Variants in AGPS observed in about 807,000 individuals in gnomAD.
The protein encoded by AGPS is alkyldihydroxyacetonephosphate synthase, peroxisomal.
In AGPS, 26 loss-of-function variants were observed where a neutral mutation model predicts 90.7. The observed-to-expected ratio is 0.29, with a 90% CI of 0.21 to 0.40. The LOEUF (loss-of-function observed/expected upper bound fraction) is 0.40. Among genes scored for constraint, AGPS ranks in the 10% least tolerant of loss-of-function variants. The pLI is 1.00. For synonymous variants in AGPS, 294 were observed against 285.3 expected (o/e 1.03, Z -0.31); for missense variants, 540 against 816.1 (o/e 0.66, Z 4.12).
At chr2:177,468,316 T>A in intron 9 of AGPS, 100 bp from the exon 10 acceptor site, 1 of 673,186 alleles carries the variant, frequency 1.5e-6, no homozygotes, top group Non-Finnish European at 2.6e-6. Context: ...AACCCAATAC[T>A]TTAAAAGTAG....
chr2:177,402,382 C>T (rs1196377231), intron 1 of AGPS, among the ~76,000 whole-genome samples: 6 of 152,190 alleles, frequency 3.9e-5, no homozygotes, highest in Non-Finnish European at 7.3e-5. Context: ...CACCTCTAAC[C>T]GCTGTTTAAA....
chr2:177,504,630 G>T (rs1227947445), intron 14 of AGPS, among the ~76,000 whole-genome samples: 1 of 152,034 alleles, frequency 6.6e-6, no homozygotes, highest in African/African-American at 2.4e-5. Flanking sequence ...CATCTACATT[G>T]TAGTGTTTAC....
At chr2:177,472,952 TG>T in intron 10 of AGPS, among the ~76,000 whole-genome samples, 1 of 152,340 alleles carries the variant, frequency 6.6e-6, no homozygotes, top group East Asian at 1.9e-4. Flanking sequence ...TACCAAGTCC[TG>T]TATAATATTT....
chr2:177,478,453 C>CT (rs1249501595), intron 10 of AGPS, among the ~76,000 whole-genome samples: 1 of 152,118 alleles, frequency 6.6e-6, no homozygotes, highest in African/African-American at 2.4e-5. Context: ...GCTCCTTTCT[C>CT]TGTTTTTCTT....
intron 1 of AGPS, among the ~76,000 whole-genome samples, chr2:177,412,831 G>A (rs769040734): frequency 4.6e-5 from 7 of 152,150 alleles, no homozygotes; most frequent in African/African-American, 1.4e-4. Flanking sequence ...GAACAGAACC[G>A]TGGAACCCAG....
rs531411969 is a variant in AGPS, at chr2:177,393,097, G to T, written c.260+48G>T. ...AGTTAGCGTCGAGGGACCAGGCCGG[G>T]CCTGTGCTGCAGGAGGGCACAGGCG... On this transcript the variant is annotated intron_variant, in intron 1 of 19. Coordinates refer to ENST00000264167, the MANE Select transcript of AGPS (RefSeq NM_003659.4). 36 of 1,550,218 alleles carry T rather than the reference G, an allele frequency of 2.3e-5. No individual in the cohort carries two copies. In the African/African-American group the frequency reaches 4.4e-4, roughly 19 times the overall value.
chr2:177,472,159 G>A (rs1687643804), intron 10 of AGPS, among the ~76,000 whole-genome samples: 1 of 150,656 alleles, frequency 6.6e-6, no homozygotes, highest in South Asian at 2.1e-4. Context: ...CAGGGACATT[G>A]ATTATACGTA....
chr2:177,480,765 A>G (rs547642261), intron 10 of AGPS, among the ~76,000 whole-genome samples: 1 of 151,888 alleles, frequency 6.6e-6, no homozygotes, highest in African/African-American at 2.4e-5. Flanking sequence ...TTAAAAATAA[A>G]TAAAAAATAA....
intron 17 of AGPS, among the ~76,000 whole-genome samples, chr2:177,518,526 A>G (rs907689288): frequency 7.9e-5 from 12 of 152,186 alleles, no homozygotes; most frequent in Non-Finnish European, 1.6e-4. Context: ...AATCACATCA[A>G]TATCCCACTG....
intron 8 of AGPS, among the ~76,000 whole-genome samples, chr2:177,461,530 A>G (rs2105665613): frequency 6.6e-6 from 1 of 152,330 alleles, no homozygotes; most frequent in South Asian, 2.1e-4. Flanking sequence ...CTGTTATTTA[A>G]GCATAATCTG....
At chr2:177,450,365 C>A (rs1437714065) in intron 8 of AGPS, among the ~76,000 whole-genome samples, 1 of 152,116 alleles carries the variant, frequency 6.6e-6, no homozygotes, top group Non-Finnish European at 1.5e-5. Flanking sequence ...GCTGTTGTGT[C>A]ATAATGCAAG....
chr2:177,469,665 C>G, intron 10 of AGPS, among the ~76,000 whole-genome samples: 1 of 152,238 alleles, frequency 6.6e-6, no homozygotes, highest in East Asian at 1.9e-4. Flanking sequence ...ACTTCTTATA[C>G]TAATGCATCA....
intron 1 of AGPS, among the ~76,000 whole-genome samples, chr2:177,414,570 A>G (rs926333296): frequency 2.6e-5 from 4 of 152,144 alleles, no homozygotes; most frequent in Admixed American, 6.5e-5. Context: ...AGTTAAATGT[A>G]TATTTGGTTT....
chr2:177,487,227 GTGCCCTATGGTAT>G (rs1045167365), intron 11 of AGPS, among the ~76,000 whole-genome samples: 132 of 152,214 alleles, frequency 8.7e-4, no homozygotes, highest in African/African-American at 3.0e-3. Flanking sequence ...CTTAGGAGTA[GTGCCCTATGGTAT>G]TTTGAGAGGA....
chr2:177,506,220 T>TC (rs1028736574), intron 15 of AGPS, among the ~76,000 whole-genome samples: 67 of 4,164 alleles, frequency 0.016, no homozygotes, highest in African/African-American at 0.038. Context: ...CTGGGGTTAC[T>TC]TTTTTTATTT....
intron 7 of AGPS, among the ~76,000 whole-genome samples, chr2:177,443,703 G>A (rs1686682502): frequency 6.6e-6 from 1 of 152,170 alleles, no homozygotes; most frequent in Admixed American, 6.5e-5. Context: ...TTATTGTAAG[G>A]TTCCCCATTA....
At chr2:177,503,858 T>C (rs1384332207) in intron 14 of AGPS, among the ~76,000 whole-genome samples, 2 of 152,176 alleles carry the variant, frequency 1.3e-5, no homozygotes, top group African/African-American at 4.8e-5. Context: ...AATTAGAAAA[T>C]GCATGTTTCT....
chr2:177,412,327 C>A (rs1386362434), intron 1 of AGPS, among the ~76,000 whole-genome samples: 1 of 152,074 alleles, frequency 6.6e-6, no homozygotes, highest in Non-Finnish European at 1.5e-5. Context: ...TCTGGCTGTA[C>A]CATGATGTCA....
At chr2:177,421,054 A>G (rs1685926987) in intron 2 of AGPS, among the ~76,000 whole-genome samples, 1 of 151,960 alleles carries the variant, frequency 6.6e-6, no homozygotes, top group Non-Finnish European at 1.5e-5. Flanking sequence ...TCTAAAGGAT[A>G]TTTGTGTTAT....
Sources: gnomAD v4.1 joint callset for allele counts (sites outside exome capture counted in the v4.1 genomes callset) on GRCh38, gnomAD v4.1.1 for gene constraint, MANE v1.5 for transcripts, NCBI Gene and HGNC (gene_info 2026-07-23, HGNC 2026-07-21) for gene names.